AGTRAP: variants seen among roughly 807,000 people sequenced by gnomAD.
AGTRAP encodes angiotensin II receptor associated protein, also known as type-1 angiotensin II receptor-associated protein.
AGTRAP carries 7 observed loss-of-function variants against 15.2 expected under a neutral mutation model. That is an observed-to-expected ratio of 0.46 (90% CI 0.26 to 0.87). The LOEUF (loss-of-function observed/expected upper bound fraction) is 0.87, where lower values mean the gene tolerates loss of function less well. Among genes scored for constraint, AGTRAP ranks in the 40% least tolerant of loss-of-function variants. The pLI, the probability that AGTRAP is intolerant of heterozygous loss-of-function variation, is 0.15. For missense variants in AGTRAP, 187 were observed against 213.4 expected (o/e 0.88, Z 0.77); for synonymous variants, 74 against 89.6 (o/e 0.83, Z 0.98).
At chr1:11,738,131 C>T (rs755863427) in intron 1 of AGTRAP, among the ~76,000 whole-genome samples, 25 of 152,130 alleles carry the variant, frequency 1.6e-4, no homozygotes, top group Non-Finnish European at 2.9e-4. Context: ...TGACTCCTTG[C>T]TTATAGGCAC....
chr1:11,749,569 C>T (rs997828337), intron 4 of AGTRAP, among the ~76,000 whole-genome samples: 2 of 152,362 alleles, frequency 1.3e-5, no homozygotes, highest in East Asian at 1.9e-4. Context: ...CGGAGCCCTA[C>T]GGCCCTGCCT....
At chr1:11,748,366 A>G (rs770884763) in intron 3 of AGTRAP, 49 bp from the exon 4 acceptor site, 1 of 1,573,198 alleles carries the variant, frequency 6.4e-7, no homozygotes, top group South Asian at 1.1e-5. Flanking sequence ...CGGGGGAGCC[A>G]CGGAGCGTGG....
Position 11,739,349 on chromosome 1 carries a change from G to A in AGTRAP, c.27+3114G>A, listed in dbSNP as rs1641971977. On this transcript the variant is annotated intron_variant, in intron 1 of 4. Coordinates refer to ENST00000314340, the MANE Select transcript of AGTRAP (RefSeq NM_020350.5). Reference sequence around the variant, plus strand: ...GTGGATCATTTGAGGTCAGGAGTTCGAGACCAGCCTGGCCAACATGATGTA... The same window carrying A: ...GTGGATCATTTGAGGTCAGGAGTTCAAGACCAGCCTGGCCAACATGATGTA... Among the ~76,000 whole-genome samples, 5 of 152,016 alleles carry A rather than the reference G, an allele frequency of 3.3e-5. No homozygotes were observed. The South Asian group carries it at 8.3e-4, about 25-fold the overall frequency.
chr1:11,748,321 G>A, intron 3 of AGTRAP, 94 bp from the exon 4 acceptor site: 1 of 1,381,464 alleles, frequency 7.2e-7, no homozygotes, highest in Non-Finnish European at 1.0e-6. Flanking sequence ...CAAGGACACA[G>A]CAGGGCATGA....
chr1:11,748,589 G>A lies in AGTRAP; in HGVS notation c.343G>A (p.Gly115Ser). Residue 115 changes from glycine (G) to serine (S), a missense_variant, in exon 4 of 5, where the codon GGT becomes AGT. Coordinates refer to ENST00000314340, the MANE Select transcript of AGTRAP (RefSeq NM_020350.5). ...CTACCACATGTACCGGGAGCGCGGGGGTGAGCTCCTGGTCCACACTGGTGA... is the reference window on the plus strand; with the variant it reads ...CTACCACATGTACCGGGAGCGCGGGAGTGAGCTCCTGGTCCACACTGGTGA... ...FVYHMYRERG[G>S]ELLVHTGFLG... 6.2e-7 allele frequency: 1 copy of A among 1,608,698 alleles called. No homozygotes were observed. Among genetic ancestry groups the A allele is most frequent in the Non-Finnish European group, 8.5e-7 (1 of 1,179,960 alleles).
Position 11,750,375 on chromosome 1 carries a change from C to G in AGTRAP, c.*183C>G. 1.5e-6 allele frequency: 1 copy of G among 658,248 alleles called. No homozygotes were observed. The highest frequency in any genetic ancestry group is 2.7e-6 in the Non-Finnish European group (1 of 364,474). 40.8% of individuals were successfully genotyped at this position (658,248 alleles called of 1,614,324 possible). A position where few individuals can be genotyped will look rare whatever the true frequency, so the allele number is the denominator to read the frequency against. On this transcript the variant is annotated 3_prime_UTR_variant, in exon 5 of 5. Transcript: ENST00000314340. Reference sequence around the variant, plus strand: ...CCCAGTACCATGCACACTCCTGTCCCGAACTCCCTGAGGCCTCCCCTCCCT... The same window carrying G: ...CCCAGTACCATGCACACTCCTGTCCGGAACTCCCTGAGGCCTCCCCTCCCT...
chr1:11,749,842 C>G (rs1017300640), intron 4 of AGTRAP, among the ~76,000 whole-genome samples: 5 of 152,128 alleles, frequency 3.3e-5, no homozygotes, highest in African/African-American at 7.2e-5. Context: ...GACCCACAGT[C>G]TCCTCATCTG....
intron 4 of AGTRAP, among the ~76,000 whole-genome samples, chr1:11,748,899 A>G (rs1642243533): frequency 6.6e-6 from 1 of 152,120 alleles, no homozygotes; most frequent in Admixed American, 6.5e-5. Context: ...TGGGGGTACC[A>G]TTTAGTTCCC....
chr1:11,746,144 C>A (rs768970322), intron 2 of AGTRAP: 2 of 1,613,764 alleles, frequency 1.2e-6, no homozygotes, highest in East Asian at 4.5e-5. Context: ...AGACATTTCT[C>A]TGCCAAACCA....
Position 11,748,584 on chromosome 1 carries a change from G to T in AGTRAP, c.338G>T (p.Arg113Leu). ...CCFVYHMYRE[R>L]GGELLVHTGF... The stretch of plus-strand genomic sequence containing the variant: ...TTCGTCTACCACATGTACCGGGAGC[G>T]CGGGGGTGAGCTCCTGGTCCACACT... The change falls in exon 4 of 5, where the codon CGC becomes CTC. Residue 113 changes from arginine to leucine, a missense_variant. Physicochemically the swap from Arg to Leu is moderately radical, Grantham distance 102. Coordinates refer to ENST00000314340, the MANE Select transcript of AGTRAP (RefSeq NM_020350.5). 1 of 1,609,102 alleles carries T rather than the reference G, an allele frequency of 6.2e-7. No homozygotes were observed. Among genetic ancestry groups the T allele is most frequent in the Admixed American group, 1.7e-5 (1 of 60,018 alleles).
chr1:11,736,903 T>C (rs980198941), intron 1 of AGTRAP, among the ~76,000 whole-genome samples: 2 of 152,140 alleles, frequency 1.3e-5, no homozygotes, highest in African/African-American at 4.8e-5. Flanking sequence ...CTGTTCTTTT[T>C]CTCCCCGCCC....
At chr1:11,744,980 G>C (rs17875988) in intron 1 of AGTRAP, among the ~76,000 whole-genome samples, 1,756 of 151,744 alleles carry the variant, frequency 0.012, 28 homozygotes, top group Middle Eastern at 0.058. Flanking sequence ...TCAGCCTCCT[G>C]AGTAGCTGGG....
Position 11,750,202 on chromosome 1 carries a change from C to G in AGTRAP, c.*10C>G. On this transcript the variant is annotated 3_prime_UTR_variant, in exon 5 of 5. Coordinates refer to ENST00000314340, the MANE Select transcript of AGTRAP (RefSeq NM_020350.5). Reference sequence around the variant, plus strand: ...TGCCCGAGGGTACTGAAGCCAGCCACGCTGCGCCCGGCCCTGCCCCGGGCC... The same window carrying G: ...TGCCCGAGGGTACTGAAGCCAGCCAGGCTGCGCCCGGCCCTGCCCCGGGCC... 6.2e-7 allele frequency: 1 copy of G among 1,607,304 alleles called. No individual in the cohort carries two copies.
intron 2 of AGTRAP, chr1:11,746,423 G>A (rs1557704504): frequency 1.8e-6 from 1 of 557,316 alleles, no homozygotes; most frequent in South Asian, 2.2e-5. Flanking sequence ...CACCTGCCTT[G>A]CACATGTCTT....
chr1:11,750,274 C>T lies in AGTRAP; in HGVS notation c.*82C>T, dbSNP rs1364818993. The T allele has an allele frequency of 1.7e-6, 2 of 1,163,818 alleles. No homozygotes were observed. The highest frequency in any genetic ancestry group is 2.5e-5 in the East Asian group (1 of 40,466). 72.1% of individuals were successfully genotyped at this position (1,163,818 alleles called of 1,614,324 possible). A position where few individuals can be genotyped will look rare whatever the true frequency, so the allele number is the denominator to read the frequency against. On this transcript the variant is annotated 3_prime_UTR_variant, in exon 5 of 5. Transcript: ENST00000314340. ...TTCTAGGGATGCTCCTGACCTCCGT[C>T]TCTTGGACCTAAGATGGAATGTGTC... is the stretch of plus-strand genomic sequence containing the variant.
rs759145116 is a variant in AGTRAP, at chr1:11,747,541, G to A, written c.164G>A (p.Ser55Asn). 4 of 1,613,808 alleles carry A rather than the reference G, an allele frequency of 2.5e-6. No individual in the cohort carries two copies. Among genetic ancestry groups the A allele is most frequent in the Admixed American group, 3.3e-5 (2 of 60,032 alleles). The change falls in exon 3 of 5, where the codon AGC (serine) becomes AAC (asparagine). Residue 55 changes from serine to asparagine, a missense_variant. Ser to Asn is a conservative substitution (Grantham distance 46). Transcript: ENST00000314340. ...VAQRDSIDAI[S>N]MFLGGLLATI... ...CAGCGGGACTCCATCGACGCCATAA[G>A]CATGGTGAGCCAGGGTGGGGGAGAG...
intron 1 of AGTRAP, among the ~76,000 whole-genome samples, chr1:11,744,327 G>A (rs1016150104): frequency 3.3e-5 from 5 of 152,128 alleles, no homozygotes; most frequent in African/African-American, 1.2e-4. Context: ...AAAATAGCCA[G>A]GGGGATTTTG....
intron 2 of AGTRAP, 95 bp from the exon 3 acceptor site, chr1:11,747,345 A>G (rs1642186797): frequency 1.7e-6 from 2 of 1,144,286 alleles, no homozygotes; most frequent in Non-Finnish European, 2.6e-6. Context: ...AGACTATGGC[A>G]TGTTCTGGGA....
chr1:11,746,098 A>T (rs1303700156), intron 2 of AGTRAP: 1 of 1,605,526 alleles, frequency 6.2e-7, no homozygotes, highest in South Asian at 1.1e-5. Context: ...CTTGATTTTC[A>T]CCTTTACCAT....
Sources: gnomAD v4.1 joint callset for allele counts (sites outside exome capture counted in the v4.1 genomes callset) on GRCh38, gnomAD v4.1.1 for gene constraint, MANE v1.5 for transcripts, NCBI Gene and HGNC (gene_info 2026-07-23, HGNC 2026-07-21) for gene names.